Variants in TOGARAM1 observed in about 807,000 individuals in gnomAD.
The protein encoded by TOGARAM1 is TOG array regulator of axonemal microtubules 1, also known as TOG array regulator of axonemal microtubules protein 1.
Under a neutral mutation model 166.6 loss-of-function variants are expected in TOGARAM1, and 100 were observed. That is an observed-to-expected ratio of 0.60 (90% CI 0.51 to 0.71). TOGARAM1 has a LOEUF of 0.71. Among genes scored for constraint, TOGARAM1 ranks in the 30% least tolerant of loss-of-function variants. The pLI, the probability that TOGARAM1 is intolerant of heterozygous loss-of-function variation, is 0.00. For missense variants in TOGARAM1, 2,029 were observed against 2,102.7 expected (o/e 0.96, Z 0.69); for synonymous variants, 758 against 763.8 (o/e 0.99, Z 0.13).
At chr14:44,985,483 G>A (rs1451016443) in intron 1 of TOGARAM1, among the ~76,000 whole-genome samples, 1 of 152,208 alleles carries the variant, frequency 6.6e-6, no homozygotes, top group Non-Finnish European at 1.5e-5. Flanking sequence ...GGATGAACCT[G>A]TTCCACCTCA....
At chr14:44,977,460 TCTC>T (rs1421866927) in intron 1 of TOGARAM1, among the ~76,000 whole-genome samples, 2 of 151,458 alleles carry the variant, frequency 1.3e-5, no homozygotes, top group African/African-American at 4.9e-5. Flanking sequence ...ATGGTCTTGA[TCTC>T]CTGACCTCAT....
At chr14:45,002,656 A>G (rs1887740107) in intron 3 of TOGARAM1, among the ~76,000 whole-genome samples, 1 of 152,192 alleles carries the variant, frequency 6.6e-6, no homozygotes, top group Non-Finnish European at 1.5e-5. Context: ...ATAGTATGAT[A>G]GGATGTTTGA....
At chr14:45,020,402 A>G (rs551711836) in intron 7 of TOGARAM1, among the ~76,000 whole-genome samples, 1 of 152,188 alleles carries the variant, frequency 6.6e-6, no homozygotes, top group Non-Finnish European at 1.5e-5. Context: ...TTGCAAGGTG[A>G]CCAGGGAGTC....
At chr14:45,062,485 C>A (rs1403560017) in intron 16 of TOGARAM1, among the ~76,000 whole-genome samples, 1 of 152,052 alleles carries the variant, frequency 6.6e-6, no homozygotes, top group Non-Finnish European at 1.5e-5. Context: ...GTTACGGAGA[C>A]GTAATTCACC....
intron 19 of TOGARAM1, among the ~76,000 whole-genome samples, chr14:45,072,986 G>C (rs1161866402): frequency 1.3e-5 from 2 of 152,092 alleles, no homozygotes; most frequent in South Asian, 2.1e-4. Flanking sequence ...TTTGATAAAA[G>C]GTCCATGGGT....
chr14:45,063,687 C>T (rs1883010220), intron 16 of TOGARAM1, among the ~76,000 whole-genome samples: 1 of 152,006 alleles, frequency 6.6e-6, no homozygotes, highest in Non-Finnish European at 1.5e-5. Flanking sequence ...ACGATGTTGG[C>T]CAGGATGGTC....
rs767457739 is a variant in TOGARAM1, at chr14:44,962,946, C to G, written c.525C>G (p.Ala175=). ...GGGAGGCAGGCCAGCTTGAAGAGGCCTTTAGCTTAGCACTTTTGCCTCAAC... is the reference window on the plus strand; with the variant it reads ...GGGAGGCAGGCCAGCTTGAAGAGGCGTTTAGCTTAGCACTTTTGCCTCAAC... ...GQGEAGQLEE[A]FSLALLPQLV... Residue 175 remains alanine, a synonymous_variant, in exon 1 of 20, where the codon GCC becomes GCG. Coordinates refer to ENST00000361462, the MANE Select transcript of TOGARAM1 (RefSeq NM_001308120.2). 6.8e-6 allele frequency: 11 copies of G among 1,614,076 alleles called. No individual in the cohort carries two copies. In the East Asian group the frequency reaches 2.0e-4, roughly 29 times the overall value.
intron 16 of TOGARAM1, among the ~76,000 whole-genome samples, chr14:45,060,129 A>G (rs1349112098): frequency 1.3e-5 from 2 of 150,492 alleles, no homozygotes; most frequent in Non-Finnish European, 2.9e-5. Flanking sequence ...CGTGTTAGCC[A>G]GGATGGTCTC....
intron 16 of TOGARAM1, 81 bp from the exon 17 acceptor site, chr14:45,066,497 T>G: frequency 7.1e-4 from 909 of 1,288,012 alleles, no homozygotes; most frequent in Non-Finnish European, 8.7e-4. Context: ...GAATGCATAA[T>G]GAGATTTTTA....
chr14:44,970,551 C>T (rs756506804), intron 1 of TOGARAM1, among the ~76,000 whole-genome samples: 1 of 152,014 alleles, frequency 6.6e-6, no homozygotes, highest in African/African-American at 2.4e-5. Flanking sequence ...TGTCTTATTG[C>T]ATTAGTTTGA....
chr14:45,017,439 T>G (rs1321273213), intron 7 of TOGARAM1, among the ~76,000 whole-genome samples: 5 of 143,968 alleles, frequency 3.5e-5, no homozygotes, highest in African/African-American at 1.1e-4. Flanking sequence ...ACACACGTTT[T>G]TAGAAGACAT....
At chr14:45,057,846 T>TA in intron 16 of TOGARAM1, among the ~76,000 whole-genome samples, 1 of 152,314 alleles carries the variant, frequency 6.6e-6, no homozygotes, top group Admixed American at 6.5e-5. Flanking sequence ...TTGGGACTTA[T>TA]TATGTGACCT....
In TOGARAM1 at chr14:45,004,341, G is replaced by A. The variant is rs765339576; in HGVS notation, c.2619G>A (p.Ser873=). 4.2e-5 allele frequency: 67 copies of A among 1,613,660 alleles called. No individual in the cohort carries two copies. Among genetic ancestry groups the A allele is most frequent in the African/African-American group, 1.3e-4 (10 of 74,834 alleles). Residue 873 remains serine (S), a synonymous_variant, in exon 4 of 20, where the codon TCG becomes TCA. Coordinates refer to ENST00000361462, the MANE Select transcript of TOGARAM1 (RefSeq NM_001308120.2). ...AGAAGAAGCTTGTCAGCCAAAAATCGTCTGATCCTACGGGTAGAAATCATG... is the reference window on the plus strand; with the variant it reads ...AGAAGAAGCTTGTCAGCCAAAAATCATCTGATCCTACGGGTAGAAATCATG... ...SPQKKLVSQK[S]SDPTGRNHGE... is the part of the protein sequence containing the mutation.
chr14:44,973,602 A>ATG (rs1886019131), intron 1 of TOGARAM1, among the ~76,000 whole-genome samples: 1 of 151,240 alleles, frequency 6.6e-6, no homozygotes. Flanking sequence ...CTCTCTATAT[A>ATG]TACATATATA....
In TOGARAM1 at chr14:45,068,625, G is replaced by T. The variant is rs1400920601; in HGVS notation, c.4951G>T (p.Ala1651Ser). The change falls in exon 18 of 20, where the codon GCA becomes TCA. Residue 1651 changes from alanine to serine, a missense_variant. Ala to Ser is a moderately conservative substitution (Grantham distance 99). This residue lies in a region of TOGARAM1 where 576 missense variants were observed against 670.5 expected (regional missense o/e 0.86). Transcript: ENST00000361462. Reference protein sequence around the residue: ...IYAAATNVVQALSQHVDNYLL... With the variant: ...IYAAATNVVQSLSQHVDNYLL... ...TGCGGCTGCTACAAATGTTGTTCAG[G>T]CACTGAGTCAGCATGTAGGTAAGAA... 6.2e-7 allele frequency: 1 copy of T among 1,602,828 alleles called. No individual in the cohort carries two copies.
chr14:45,028,481 C>T (rs1880988256), intron 10 of TOGARAM1, 152 bp downstream of exon 10: 2 of 752,198 alleles, frequency 2.7e-6, no homozygotes, highest in South Asian at 3.7e-5. Context: ...AGCTTTGTGA[C>T]CTGGAAGCAG....
intron 17 of TOGARAM1, among the ~76,000 whole-genome samples, chr14:45,067,375 C>T (rs1169853318): frequency 1.3e-5 from 2 of 151,964 alleles, no homozygotes; most frequent in Non-Finnish European, 2.9e-5. Context: ...TGCTTTAGAA[C>T]AGATAATAAA....
chr14:44,962,801 T>G lies in TOGARAM1; in HGVS notation c.380T>G (p.Leu127Arg). The G allele has an allele frequency of 6.2e-7, 1 of 1,612,528 alleles. No homozygotes were observed. The highest frequency in any genetic ancestry group is 8.5e-7 in the Non-Finnish European group (1 of 1,179,984). ...GCTTTGCCGCGGCGGGGCGGTCGACTTGGCTTCCCCCGACGCAAGGAAGCT... is the reference window on the plus strand; with the variant it reads ...GCTTTGCCGCGGCGGGGCGGTCGACGTGGCTTCCCCCGACGCAAGGAAGCT... ...QAALPRRGGR[L>R]GFPRRKEALY... Residue 127 changes from leucine (L) to arginine (R), a missense_variant, in exon 1 of 20, where the codon CTT (leucine) becomes CGT (arginine). Leu to Arg is a moderately radical substitution (Grantham distance 102). Transcript: ENST00000361462.
At chr14:44,998,822 C>T (rs1464715950) in intron 2 of TOGARAM1, among the ~76,000 whole-genome samples, 1 of 151,844 alleles carries the variant, frequency 6.6e-6, no homozygotes, top group Non-Finnish European at 1.5e-5. Flanking sequence ...TATTCATCTT[C>T]CCAGGAATAA....
Sources: allele counts gnomAD v4.1 joint callset (sites outside exome capture counted in the v4.1 genomes callset), GRCh38; gene constraint gnomAD v4.1.1; regional missense constraint gnomAD v4.1.1; transcripts MANE v1.5; gene names NCBI Gene and HGNC (gene_info 2026-07-23, HGNC 2026-07-21).